Variants in PDZRN4 observed in about 807,000 individuals in gnomAD.
PDZRN4 encodes PDZ domain containing ring finger 4.
Under a neutral mutation model 99.0 loss-of-function variants are expected in PDZRN4, and 70 were observed. That is an observed-to-expected ratio of 0.71 (90% CI 0.58 to 0.86). PDZRN4 has a LOEUF of 0.86. Ranked by LOEUF, PDZRN4 falls within the 40% of genes least tolerant of loss-of-function variation. PDZRN4 has a pLI of 0.00. For missense variants in PDZRN4, 1,474 were observed against 1,331.2 expected, an observed-to-expected ratio of 1.11 and a Z score of -1.67; for synonymous variants, 551 against 501.6, an observed-to-expected ratio of 1.10 and a Z score of -1.32.
At chr12:41,319,785 T>A (rs1527085) in intron 3 of PDZRN4, among the ~76,000 whole-genome samples, 130,779 of 152,224 alleles carry the variant, frequency 0.86, 57,465 homozygotes, top group Non-Finnish European at 0.95. Flanking sequence ...ACAAAAAACA[T>A]AAACTATTTA....
chr12:41,545,200 TG>T (rs1352152737), intron 5 of PDZRN4, among the ~76,000 whole-genome samples: 1 of 152,208 alleles, frequency 6.6e-6, no homozygotes, highest in African/African-American at 2.4e-5. Context: ...CATCCTTCCG[TG>T]ATCTGGCCTT....
At chr12:41,402,132 TATATATATAC>T (rs1318443071) in intron 3 of PDZRN4, among the ~76,000 whole-genome samples, 20 of 89,664 alleles carry the variant, frequency 2.2e-4, no homozygotes, top group African/African-American at 1.1e-3. Flanking sequence ...TATATATATA[TATATATATAC>T]ACACACTGAG....
At chr12:41,463,182 T>G (rs1952888924) in intron 3 of PDZRN4, among the ~76,000 whole-genome samples, 1 of 152,218 alleles carries the variant, frequency 6.6e-6, no homozygotes, top group African/African-American at 2.4e-5. Flanking sequence ...TCAAGCCATA[T>G]TTCCCTGTGC....
rs138003679 is a variant in PDZRN4 at position 41,567,860 on chromosome 12, T to C, written c.1545T>C (p.His515=). 6.2e-7 allele frequency: 1 copy of C among 1,613,284 alleles called. No homozygotes were observed. Among genetic ancestry groups the C allele is most frequent in the Non-Finnish European group, 8.5e-7 (1 of 1,179,486 alleles). ...ELNLEMLEEE[H]NEAMQPTANE... ...ACTTGGAGATGTTGGAAGAAGAGCA[T>C]AATGAAGCAATGCAGCCCACTGCCA... Residue 515 remains histidine, a synonymous_variant, in exon 9 of 10, where the codon CAT becomes CAC. Coordinates refer to ENST00000402685, the MANE Select transcript of PDZRN4 (RefSeq NM_001164595.2).
intron 3 of PDZRN4, among the ~76,000 whole-genome samples, chr12:41,333,916 C>T (rs948580743): frequency 1.3e-5 from 2 of 152,002 alleles, no homozygotes; most frequent in Non-Finnish European, 2.9e-5. Context: ...TTTTTGTGTG[C>T]GCAAACATAC....
chr12:41,282,206 A>T (rs1385851985), intron 3 of PDZRN4, among the ~76,000 whole-genome samples: 1 of 152,202 alleles, frequency 6.6e-6, no homozygotes, highest in Non-Finnish European at 1.5e-5. Flanking sequence ...AAGCAAAAAA[A>T]ACAGGGGTTG....
intron 3 of PDZRN4, among the ~76,000 whole-genome samples, chr12:41,197,096 G>T (rs201906060): frequency 3.2e-4 from 48 of 152,140 alleles, no homozygotes; most frequent in Non-Finnish European, 4.1e-4. Flanking sequence ...TTTATATATA[G>T]TCAAGATATG....
chr12:41,354,927 AT>A (rs1160173675), intron 3 of PDZRN4, among the ~76,000 whole-genome samples: 1 of 152,086 alleles, frequency 6.6e-6, no homozygotes, highest in Non-Finnish European at 1.5e-5. Flanking sequence ...TTCAATGTAT[AT>A]TTCCATGTTA....
chr12:41,317,784 C>T (rs1309392380), intron 3 of PDZRN4, among the ~76,000 whole-genome samples: 1 of 152,148 alleles, frequency 6.6e-6, no homozygotes, highest in Admixed American at 6.5e-5. Flanking sequence ...TTCTCCACTG[C>T]TCTCCACCTG....
chr12:41,485,730 T>C (rs1025492694), intron 3 of PDZRN4, among the ~76,000 whole-genome samples: 1 of 152,200 alleles, frequency 6.6e-6, no homozygotes, highest in African/African-American at 2.4e-5. Flanking sequence ...GTCATTCTTG[T>C]TCTCTGACAT....
chr12:41,435,063 T>A (rs1407045580), intron 3 of PDZRN4, among the ~76,000 whole-genome samples: 2 of 152,118 alleles, frequency 1.3e-5, no homozygotes, highest in Non-Finnish European at 2.9e-5. Flanking sequence ...GAAGGTAGAA[T>A]CTCTCCAGGG....
At chr12:41,549,964 G>C (rs1939024017) in intron 5 of PDZRN4, among the ~76,000 whole-genome samples, 1 of 152,174 alleles carries the variant, frequency 6.6e-6, no homozygotes, top group Non-Finnish European at 1.5e-5. Context: ...CACAGTTTTG[G>C]TTTGGTCCAA....
intron 3 of PDZRN4, among the ~76,000 whole-genome samples, chr12:41,212,392 T>G (rs1488502310): frequency 6.6e-6 from 1 of 152,002 alleles, no homozygotes; most frequent in East Asian, 1.9e-4. Flanking sequence ...TTTATTTACA[T>G]CCATCATTCC....
chr12:41,319,898 C>A (rs913113427), intron 3 of PDZRN4, among the ~76,000 whole-genome samples: 1 of 152,212 alleles, frequency 6.6e-6, no homozygotes, highest in African/African-American at 2.4e-5. Flanking sequence ...GGTAGCCCTA[C>A]CCTTTTCTGC....
At chr12:41,496,869 T>G (rs1227468616) in intron 3 of PDZRN4, among the ~76,000 whole-genome samples, 6 of 152,124 alleles carry the variant, frequency 3.9e-5, no homozygotes, top group Non-Finnish European at 5.9e-5. Flanking sequence ...CAATTTCCAG[T>G]TTCTTATCAT....
chr12:41,355,761 GC>G (rs1951923256), intron 3 of PDZRN4, among the ~76,000 whole-genome samples: 1 of 152,010 alleles, frequency 6.6e-6, no homozygotes, highest in Non-Finnish European at 1.5e-5. Context: ...GTTTTCTGGA[GC>G]TTGTTCAGAG....
intron 5 of PDZRN4, among the ~76,000 whole-genome samples, chr12:41,542,835 T>G (rs1456165696): frequency 6.6e-6 from 1 of 152,218 alleles, no homozygotes; most frequent in Non-Finnish European, 1.5e-5. Context: ...CTAAAAAATC[T>G]AATCAATACT....
At chr12:41,371,385 T>C (rs1952040097) in intron 3 of PDZRN4, among the ~76,000 whole-genome samples, 1 of 151,978 alleles carries the variant, frequency 6.6e-6, no homozygotes, top group African/African-American at 2.4e-5. Flanking sequence ...TCCAGGAAAA[T>C]AGCAGGCTTC....
At chr12:41,563,767 G>A (rs987271132) in intron 8 of PDZRN4, 118 bp downstream of exon 8, 2 of 704,500 alleles carry the variant, frequency 2.8e-6, no homozygotes, top group Admixed American at 5.4e-5. Flanking sequence ...TCATTATCAC[G>A]GTTATCTCTC....
Sources: allele counts gnomAD v4.1 joint callset (sites outside exome capture counted in the v4.1 genomes callset), GRCh38; gene constraint gnomAD v4.1.1; transcripts MANE v1.5; gene names NCBI Gene and HGNC (gene_info 2026-07-23, HGNC 2026-07-21).